Variants in PLXDC2 observed in about 807,000 individuals in gnomAD.
PLXDC2 encodes plexin domain-containing protein 2.
Under a neutral mutation model 68.9 loss-of-function variants are expected in PLXDC2, and 40 were observed. The ratio of observed to expected loss-of-function variants is 0.58; its 90% CI spans 0.45 to 0.76. The LOEUF is 0.76. Among genes scored for constraint, PLXDC2 ranks in the 30% least tolerant of loss-of-function variants. The pLI, the probability that PLXDC2 is intolerant of heterozygous loss-of-function variation, is 0.00. For missense variants in PLXDC2, 644 were observed against 661.9 expected, an observed-to-expected ratio of 0.97 and a Z score of 0.30; for synonymous variants, 243 against 234.2, an observed-to-expected ratio of 1.04 and a Z score of -0.34.
At chr10:20,249,818 C>G (rs1588542894) in intron 13 of PLXDC2, among the ~76,000 whole-genome samples, 1 of 152,144 alleles carries the variant, frequency 6.6e-6, no homozygotes, top group Non-Finnish European at 1.5e-5. Context: ...CAATTAAACT[C>G]TAACACACCC....
chr10:19,957,722 A>G (rs1834093917), intron 1 of PLXDC2, among the ~76,000 whole-genome samples: 1 of 152,098 alleles, frequency 6.6e-6, no homozygotes, highest in South Asian at 2.1e-4. Flanking sequence ...GCCCTTTAGT[A>G]AAAATTCGAC....
At chr10:20,172,568 G>A (rs1006187448) in intron 7 of PLXDC2, among the ~76,000 whole-genome samples, 2 of 152,064 alleles carry the variant, frequency 1.3e-5, no homozygotes, top group Non-Finnish European at 1.5e-5. Context: ...TGTAATGATC[G>A]GGTCAGGGTA....
intron 13 of PLXDC2, among the ~76,000 whole-genome samples, chr10:20,264,982 GA>G (rs201617312): frequency 1.3e-5 from 2 of 151,134 alleles, no homozygotes; most frequent in African/African-American, 4.9e-5. Flanking sequence ...TGATATTAAA[GA>G]AAAAAAAAGT....
At chr10:20,090,421 G>T (rs931764718) in intron 4 of PLXDC2, among the ~76,000 whole-genome samples, 1 of 152,020 alleles carries the variant, frequency 6.6e-6, no homozygotes, top group Non-Finnish European at 1.5e-5. Flanking sequence ...GTCAATGAAT[G>T]AGATGGAGGG....
rs549353604 is a variant in PLXDC2, at chr10:19,998,595, A to G, written c.113-3180A>G. Among the ~76,000 whole-genome samples the G allele has an allele frequency of 6.0e-4, 92 of 152,258 alleles. 1 individual carries two copies. The highest frequency in any genetic ancestry group is 2.0e-3 in the African/African-American group (85 of 41,566). On this transcript the variant is annotated intron_variant, in intron 1 of 13. Coordinates refer to ENST00000377252, the MANE Select transcript of PLXDC2 (RefSeq NM_032812.9). ...TGGATGCCAGGCCCTAAAGCTCACA[A>G]ATGTTCTCATTAGAAAACACCTCAT... is the stretch of plus-strand genomic sequence containing the variant.
At chr10:20,088,166 T>C (rs1306287623) in intron 4 of PLXDC2, among the ~76,000 whole-genome samples, 2 of 152,204 alleles carry the variant, frequency 1.3e-5, no homozygotes, top group African/African-American at 2.4e-5. Flanking sequence ...AAATCTACTT[T>C]AACTCTGCTT....
rs1564659038 is a variant in PLXDC2, at chr10:20,020,177, A to ATTTTTTTTTTTTTTTTTTTT, written c.324+18191_324+18192insTTTTTTTTTTTTTTTTTTTT. Among the ~76,000 whole-genome samples, 17 of 98,198 alleles carry ATTTTTTTTTTTTTTTTTTTT rather than the reference A, an allele frequency of 1.7e-4. 1 individual carries two copies. Among genetic ancestry groups the ATTTTTTTTTTTTTTTTTTTT allele is most frequent in the African/African-American group, 7.5e-4 (17 of 22,728 alleles). 64.4% of individuals were successfully genotyped at this position (98,198 alleles called of 152,430 possible). ...CAAACACATGCCACCACACCCAGCA[A>ATTTTTTTTTTTTTTTTTTTT]ATTTTTTTTTTTTTTTTTTTTTTGT... On this transcript the variant is annotated intron_variant, in intron 2 of 13. Coordinates refer to ENST00000377252, the MANE Select transcript of PLXDC2 (RefSeq NM_032812.9).
intron 9 of PLXDC2, among the ~76,000 whole-genome samples, chr10:20,204,972 A>G (rs7895512): frequency 0.39 from 59,329 of 152,060 alleles, 12,998 homozygotes; most frequent in South Asian, 0.5. Flanking sequence ...TCAATTGCTC[A>G]GTAAGACAAG....
At chr10:20,239,797 T>C (rs1835491125) in intron 12 of PLXDC2, among the ~76,000 whole-genome samples, 1 of 152,200 alleles carries the variant, frequency 6.6e-6, no homozygotes, top group African/African-American at 2.4e-5. Flanking sequence ...TCTTAGTTTA[T>C]TGTATTTTCT....
At chr10:20,112,481 C>T (rs1833571988) in intron 4 of PLXDC2, among the ~76,000 whole-genome samples, 1 of 152,190 alleles carries the variant, frequency 6.6e-6, no homozygotes, top group Non-Finnish European at 1.5e-5. Flanking sequence ...TGAGCTCTGA[C>T]TCGATGTCCT....
At chr10:20,050,911 T>A (rs1263325663) in intron 3 of PLXDC2, among the ~76,000 whole-genome samples, 1 of 152,014 alleles carries the variant, frequency 6.6e-6, no homozygotes, top group Non-Finnish European at 1.5e-5. Context: ...TATAAATCAT[T>A]CTACCATAAA....
At chr10:20,085,325 G>C (rs1833177079) in intron 4 of PLXDC2, among the ~76,000 whole-genome samples, 1 of 152,130 alleles carries the variant, frequency 6.6e-6, no homozygotes, top group Non-Finnish European at 1.5e-5. Flanking sequence ...CGCAGACGCT[G>C]CCTCAGAGAA....
intron 9 of PLXDC2, among the ~76,000 whole-genome samples, chr10:20,182,789 ATCTAGG>A (rs1386056245): frequency 6.6e-6 from 1 of 151,856 alleles, no homozygotes; most frequent in East Asian, 1.9e-4. Context: ...TCAACCCACC[ATCTAGG>A]GTTTAAGCCC....
intron 9 of PLXDC2, among the ~76,000 whole-genome samples, chr10:20,183,016 G>C (rs1002306173): frequency 6.6e-6 from 1 of 151,976 alleles, no homozygotes; most frequent in Non-Finnish European, 1.5e-5. Flanking sequence ...GAAGAATCAA[G>C]GATATTTCTT....
At chr10:20,000,668 G>T (rs892003549) in intron 1 of PLXDC2, among the ~76,000 whole-genome samples, 1 of 152,122 alleles carries the variant, frequency 6.6e-6, no homozygotes, top group African/African-American at 2.4e-5. Flanking sequence ...CCTGTGATTG[G>T]TAGTGGTAAT....
At chr10:20,129,753 A>G (rs574058678) in intron 4 of PLXDC2, among the ~76,000 whole-genome samples, 1 of 152,006 alleles carries the variant, frequency 6.6e-6, no homozygotes, top group Non-Finnish European at 1.5e-5. Flanking sequence ...TTCTAACATT[A>G]TTTATTAAAG....
chr10:19,889,509 G>A (rs962289556), intron 1 of PLXDC2, among the ~76,000 whole-genome samples: 2 of 152,216 alleles, frequency 1.3e-5, no homozygotes, highest in Middle Eastern at 3.4e-3. Flanking sequence ...TAATGACTCA[G>A]GCACTCTTAA....
intron 13 of PLXDC2, among the ~76,000 whole-genome samples, chr10:20,247,240 G>A (rs1835608976): frequency 6.7e-6 from 1 of 149,418 alleles, no homozygotes; most frequent in Admixed American, 6.7e-5. Context: ...CAGACAGATT[G>A]CTTGAGCCCA....
intron 9 of PLXDC2, among the ~76,000 whole-genome samples, chr10:20,190,982 G>T (rs184898475): frequency 8.6e-5 from 13 of 152,004 alleles, no homozygotes; most frequent in Admixed American, 7.2e-4. Flanking sequence ...TTTCTGTCCA[G>T]TTCTGAGTCG....
Sources: gnomAD v4.1 joint callset for allele counts (sites outside exome capture counted in the v4.1 genomes callset) on GRCh38, gnomAD v4.1.1 for gene constraint, MANE v1.5 for transcripts, NCBI Gene and HGNC (gene_info 2026-07-23, HGNC 2026-07-21) for gene names.